The following ADAM10 variants were observed in gnomAD, a reference collection of about 807,000 sequenced individuals.
ADAM10 encodes the protein ADAM metallopeptidase domain 10, also known as disintegrin and metalloproteinase domain-containing protein 10.
Under a neutral mutation model 90.1 loss-of-function variants are expected in ADAM10, and 17 were observed. The observed-to-expected ratio is 0.19, with a 90% confidence interval of 0.13 to 0.28. ADAM10 has a LOEUF of 0.28. Ranked by LOEUF, ADAM10 falls within the 10% of genes least tolerant of loss-of-function variation. The pLI is 1.00. For missense variants in ADAM10, 610 were observed against 914.3 expected (o/e 0.67, Z 4.29); for synonymous variants, 310 against 298.6 (o/e 1.04, Z -0.40).
chr15:58,712,523 C>CA (rs35146640), intron 2 of ADAM10, among the ~76,000 whole-genome samples: 77,766 of 132,376 alleles, frequency 0.59, 22,897 homozygotes, highest in Non-Finnish European at 0.69. Context: ...GGCCCTGTTT[C>CA]AAAAAAAAAA....
Position 58,610,517 on chromosome 15 carries a change from A to G in ADAM10, c.1805T>C (p.Met602Thr), listed in dbSNP as rs757667202. The G allele has an allele frequency of 2.5e-6, 4 of 1,613,792 alleles. No individual in the cohort carries two copies. The highest frequency in any genetic ancestry group is 1.7e-5 in the Admixed American group (1 of 59,986). Residue 602 changes from methionine (M) to threonine (T), a missense_variant and splice_region_variant, in exon 14 of 16, where the codon ATG becomes ACG. Physicochemically the swap from Met to Thr is moderately conservative, Grantham distance 81 (BLOSUM62 -1). Around this residue, in one of 4 missense-constraint regions of ADAM10, gnomAD observed 150 missense variants for 268.5 expected, o/e 0.56. Coordinates refer to ENST00000260408, the MANE Select transcript of ADAM10 (RefSeq NM_001110.4). ...TGTACTGGCACAAGTTGATGGGTCC[A>G]CTGGAAAAGAAATGCCAAATATAAG... Reference protein sequence around the residue: ...ELCHVCCMKKMDPSTCASTGS... With the variant: ...ELCHVCCMKKTDPSTCASTGS...
At chr15:58,684,173 T>G (rs1204575973) in intron 2 of ADAM10, among the ~76,000 whole-genome samples, 2 of 152,208 alleles carry the variant, frequency 1.3e-5, no homozygotes, top group Non-Finnish European at 2.9e-5. Context: ...TCAGTACAGA[T>G]GCAACCATGC....
At chr15:58,686,449 G>A (rs1211974210) in intron 2 of ADAM10, 1 of 1,390,802 alleles carries the variant, frequency 7.2e-7, no homozygotes, top group South Asian at 1.2e-5. Context: ...TGCAGTGCCT[G>A]GTGGAGCAGC....
At chr15:58,642,196 G>A (rs1340710022) in intron 7 of ADAM10, among the ~76,000 whole-genome samples, 1 of 152,228 alleles carries the variant, frequency 6.6e-6, no homozygotes, top group East Asian at 1.9e-4. Context: ...GCCCGTCACA[G>A]TGGCTCACGC....
At position 58,594,119 on chromosome 15, in the gene ADAM10, C is replaced by A. The variant is rs1023447493; in HGVS notation, c.*3428G>T. 6.6e-6 allele frequency: 1 copy of A among 152,160 alleles called. No homozygotes were observed. Among genetic ancestry groups the A allele is most frequent in the Non-Finnish European group, 1.5e-5 (1 of 68,030 alleles). The allele number at this position is 152,160 out of a possible 1,614,324, so 9.4% of individuals were successfully genotyped here. ...AAATTTCTTACAACTTTAGTGACTT[C>A]TCTAAAGATGAACTGTCCCTGGCAG... On this transcript the variant is annotated 3_prime_UTR_variant, in exon 16 of 16. Transcript: ENST00000260408.
intron 3 of ADAM10, among the ~76,000 whole-genome samples, chr15:58,680,747 A>G (rs1897411022): frequency 6.6e-6 from 1 of 152,210 alleles, no homozygotes; most frequent in Non-Finnish European, 1.5e-5. Context: ...GAATAACATT[A>G]ATTAGTTGCC....
intron 4 of ADAM10, among the ~76,000 whole-genome samples, chr15:58,673,132 G>GA (rs879645243): frequency 6.6e-5 from 10 of 150,810 alleles, no homozygotes; most frequent in Admixed American, 1.3e-4. Flanking sequence ...AGAGCATAAA[G>GA]AAAAAAAAAT....
At chr15:58,682,417 GA>G (rs756735503) in intron 2 of ADAM10, 103 bp from the exon 3 acceptor site, 50 of 1,479,470 alleles carry the variant, frequency 3.4e-5, no homozygotes, top group Middle Eastern at 2.5e-4. Flanking sequence ...GGACTGTTAT[GA>G]AATTTGTCTA....
chr15:58,692,700 T>C, intron 2 of ADAM10: 1 of 565,160 alleles, frequency 1.8e-6, no homozygotes, highest in Non-Finnish European at 3.5e-6. Context: ...GGTCAACATG[T>C]AAAGTGAAGG....
Position 58,611,922 on chromosome 15 carries a change from A to G in ADAM10, c.1581T>C (p.Asp527=), listed in dbSNP as rs371445663. ...ATATTCCTTCCCTTGCACAGTCTGA[A>G]TCATCCCGACACTTCTCAGACTTTG... The part of the protein sequence containing the change: ...FKSKSEKCRD[D]SDCAREGICN... Residue 527 remains aspartate, a synonymous_variant, in exon 12 of 16, where the codon GAT becomes GAC. Coordinates refer to ENST00000260408, the MANE Select transcript of ADAM10 (RefSeq NM_001110.4). 6.3e-5 allele frequency: 102 copies of G among 1,614,204 alleles called. No individual in the cohort carries two copies. In the African/African-American group the frequency reaches 1.3e-3, roughly 20 times the overall value.
intron 14 of ADAM10, 122 bp downstream of exon 14, chr15:58,610,175 C>T (rs1308127861): frequency 1.2e-6 from 1 of 804,746 alleles, no homozygotes; most frequent in African/African-American, 1.7e-5. Flanking sequence ...TAAAAATCTT[C>T]ATATAAAGTA....
At chr15:58,686,331 C>T in intron 2 of ADAM10, 2 of 628,598 alleles carry the variant, frequency 3.2e-6, no homozygotes, top group Non-Finnish European at 5.6e-6. Flanking sequence ...ACAAACTATT[C>T]CTAGAATAAA....
chr15:58,699,430 CACAATGATAA>C (rs1469355003), intron 2 of ADAM10, among the ~76,000 whole-genome samples: 2 of 152,164 alleles, frequency 1.3e-5, no homozygotes, highest in Non-Finnish European at 2.9e-5. Context: ...ACCACCAAAC[CACAATGATAA>C]ACAATAAGAG....
At chr15:58,736,502 G>GA (rs1333315582) in intron 1 of ADAM10, among the ~76,000 whole-genome samples, 4 of 151,728 alleles carry the variant, frequency 2.6e-5, no homozygotes, top group African/African-American at 4.8e-5. Context: ...CCACACTTAA[G>GA]AAAAAAATCT....
chr15:58,592,758 T>C lies in ADAM10; in HGVS notation c.*4789A>G, dbSNP rs573992564. 69 of 149,966 alleles carry C rather than the reference T, an allele frequency of 4.6e-4. No homozygotes were observed. In the South Asian group the frequency reaches 0.014, roughly 30 times the overall value. The allele number at this position is 149,966 out of a possible 1,614,324, so 9.3% of individuals were successfully genotyped here. A position where few individuals can be genotyped will look rare whatever the true frequency, so the allele number is the denominator to read the frequency against. Reference sequence around the variant, plus strand: ...AAGGATGGGACTCTGATTTAATATATATATATATATATATTAAATCGTGGT... The same window carrying C: ...AAGGATGGGACTCTGATTTAATATACATATATATATATATTAAATCGTGGT... On this transcript the variant is annotated 3_prime_UTR_variant, in exon 16 of 16. Transcript: ENST00000260408.
At chr15:58,742,858 A>C (rs1221767281) in intron 1 of ADAM10, among the ~76,000 whole-genome samples, 1 of 152,102 alleles carries the variant, frequency 6.6e-6, no homozygotes, top group Non-Finnish European at 1.5e-5. Context: ...GAAAACAACA[A>C]CACAGCCTGG....
chr15:58,747,034 T>C (rs1899813707), intron 1 of ADAM10, among the ~76,000 whole-genome samples: 1 of 152,226 alleles, frequency 6.6e-6, no homozygotes, highest in South Asian at 2.1e-4. Context: ...ATCAGATTTT[T>C]AAATGTAAGA....
chr15:58,593,158 T>C lies in ADAM10; in HGVS notation c.*4389A>G, dbSNP rs869048927. On this transcript the variant is annotated 3_prime_UTR_variant, in exon 16 of 16. Transcript: ENST00000260408. ...AAGGCCAGGTACTCAAATTTTTTTT[T>C]TTTTTTTTTTTTTTTTTTTTTTTTT... 9.4e-5 allele frequency: 1 copy of C among 10,598 alleles called. No individual in the cohort carries two copies. The allele number at this position is 10,598 out of a possible 1,614,324, so 0.7% of individuals were successfully genotyped here. A position where few individuals can be genotyped will look rare whatever the true frequency, so the allele number is the denominator to read the frequency against.
chr15:58,695,520 G>A (rs1367560294), intron 2 of ADAM10, among the ~76,000 whole-genome samples: 3 of 151,938 alleles, frequency 2.0e-5, no homozygotes, highest in Non-Finnish European at 4.4e-5. Flanking sequence ...TCTCAAAACA[G>A]CATCGTCATT....
Sources: gnomAD v4.1 joint callset for allele counts (sites outside exome capture counted in the v4.1 genomes callset) on GRCh38, gnomAD v4.1.1 for gene constraint, gnomAD v4.1.1 regional missense constraint, MANE v1.5 for transcripts, NCBI Gene and HGNC (gene_info 2026-07-23, HGNC 2026-07-21) for gene names.